Variants in ZNF462 observed in about 807,000 individuals in gnomAD.
The protein encoded by ZNF462 is zinc finger protein 462.
A neutral mutation model predicts 201.9 loss-of-function variants in ZNF462; 10 were observed. The observed-to-expected ratio is 0.05, with a 90% confidence interval of 0.03 to 0.08. The LOEUF (loss-of-function observed/expected upper bound fraction) is 0.08, where lower values mean the gene tolerates loss of function less well. Ranked by LOEUF, ZNF462 falls within the 10% of genes least tolerant of loss-of-function variation. ZNF462 has a pLI of 1.00. For synonymous variants in ZNF462, 1,227 were observed against 1,193.3 expected, an observed-to-expected ratio of 1.03 and a Z score of -0.58; for missense variants, 2,523 against 3,168.3, an observed-to-expected ratio of 0.80 and a Z score of 4.89.
At chr9:106,898,097 T>A (rs1463468714) in intron 1 of ZNF462, among the ~76,000 whole-genome samples, 1 of 152,252 alleles carries the variant, frequency 6.6e-6, no homozygotes, top group East Asian at 1.9e-4. Flanking sequence ...TTAATGTGCA[T>A]GGAGTCCTCT....
In ZNF462 at chr9:107,003,796, A is replaced by G. The variant is rs1220073280; in HGVS notation, c.7189+370A>G. 6.6e-6 allele frequency among the ~76,000 whole-genome samples: 1 copy of G among 152,122 alleles called. No individual in the cohort carries two copies. Among genetic ancestry groups the G allele is most frequent in the Non-Finnish European group, 1.5e-5 (1 of 68,034 alleles). On this transcript the variant is annotated intron_variant, in intron 11 of 12. Transcript: ENST00000277225. This position sits in a 1 kb window ranked among gnomAD's most constrained non-coding sequence, Gnocchi z 4.4. ...AGGAATGAGAATGAACTTCCAGTTG[A>G]ATGCATATTTAAAATTGCTGCTGGG...
chr9:106,960,478 C>T (rs927985856), intron 7 of ZNF462, among the ~76,000 whole-genome samples: 1 of 152,182 alleles, frequency 6.6e-6, no homozygotes, highest in South Asian at 2.1e-4. Flanking sequence ...CTTTTGTGCT[C>T]AACACTTTTT....
At chr9:106,894,385 T>C (rs1422299441) in intron 1 of ZNF462, among the ~76,000 whole-genome samples, 2 of 152,234 alleles carry the variant, frequency 1.3e-5, no homozygotes, top group Non-Finnish European at 1.5e-5. Flanking sequence ...AGAGAAGATA[T>C]AAAGATATTA....
rs779880577 is a variant in ZNF462 at position 107,010,879 on chromosome 9, T to A, written c.7370T>A (p.Met2457Lys). The A allele has an allele frequency of 6.2e-7, 1 of 1,613,338 alleles. No individual in the cohort carries two copies. The highest frequency in any genetic ancestry group is 8.5e-7 in the Non-Finnish European group (1 of 1,179,738). ...SREEIHPKEI[M>K]ENSVKMPSIE... The stretch of plus-strand genomic sequence containing the variant: ...GAAGAAATCCACCCAAAAGAGATCA[T>A]GGAGAACAGTGTTAAAATGCCCTCC... The change falls in exon 13 of 13, where the codon ATG becomes AAG. Residue 2457 changes from methionine to lysine, a missense_variant. Around this residue, in one of 15 missense-constraint regions of ZNF462, gnomAD observed 67 missense variants for 63.2 expected, o/e 1.06. Transcript: ENST00000277225. The surrounding 1 kb of genome is among the most constrained non-coding windows in gnomAD (Gnocchi z 4.6).
At chr9:106,991,861 C>CA in intron 10 of ZNF462, among the ~76,000 whole-genome samples, 1 of 151,304 alleles carries the variant, frequency 6.6e-6, no homozygotes, top group Non-Finnish European at 1.5e-5. Context: ...CACACACACA[C>CA]ACACACACAC....
chr9:106,891,990 A>G (rs1828598416), intron 1 of ZNF462, among the ~76,000 whole-genome samples: 1 of 152,222 alleles, frequency 6.6e-6, no homozygotes, highest in Non-Finnish European at 1.5e-5. Context: ...TCCATATTAT[A>G]CAAATTCCCT....
rs1347271506 is a variant in ZNF462 at position 106,929,443 on chromosome 9, T to C, written c.5531T>C (p.Leu1844Pro). 1 of 1,613,918 alleles carries C rather than the reference T, an allele frequency of 6.2e-7. No individual in the cohort carries two copies. Among genetic ancestry groups the C allele is most frequent in the Non-Finnish European group, 8.5e-7 (1 of 1,180,032 alleles). ...VEGEAQEIEW[L>P]PFRCIKCFKL... is the part of the protein sequence containing the mutation. ...GGTGAAGCTCAGGAAATCGAGTGGC[T>C]CCCATTCCGCTGCATCAAATGCTTC... is the stretch of plus-strand genomic sequence containing the variant. The change falls in exon 3 of 13, where the codon CTC (leucine) becomes CCC (proline). Residue 1844 changes from leucine to proline, a missense_variant. Leu to Pro is a moderately conservative substitution (Grantham distance 98). This residue lies in a region of ZNF462 where 207 missense variants were observed against 231.6 expected (regional missense o/e 0.89). Coordinates refer to ENST00000277225, the MANE Select transcript of ZNF462 (RefSeq NM_021224.6). This position sits in a 1 kb window ranked among gnomAD's most constrained non-coding sequence, Gnocchi z 8.7.
chr9:106,880,150 G>A lies in ZNF462; in HGVS notation c.-31+16795G>A, dbSNP rs749053630. On this transcript the variant is annotated intron_variant, in intron 1 of 12. Transcript: ENST00000277225. This position sits in a 1 kb window ranked among gnomAD's most constrained non-coding sequence, Gnocchi z 4.1. Reference sequence around the variant, plus strand: ...ACCAAGAGCCCTCTCAATTTCTGCCGCCCGCTCAGGAGGATTTTCACAGCC... The same window carrying A: ...ACCAAGAGCCCTCTCAATTTCTGCCACCCGCTCAGGAGGATTTTCACAGCC... Among the ~76,000 whole-genome samples, 11 of 151,842 alleles carry A rather than the reference G, an allele frequency of 7.2e-5. No individual in the cohort carries two copies. Among genetic ancestry groups the A allele is most frequent in the East Asian group, 1.9e-4 (1 of 5,180 alleles).
upstream of ZNF462, among the ~76,000 whole-genome samples, chr9:106,860,779 C>G (rs971238066): frequency 6.6e-6 from 1 of 152,264 alleles, no homozygotes; most frequent in African/African-American, 2.4e-5. This position sits in a 1 kb window ranked among gnomAD's most constrained non-coding sequence, Gnocchi z 7.1. Flanking sequence ...GTGGCGGCGG[C>G]CAGCGCTCAG....
chr9:106,871,086 C>G (rs1024864274), intron 1 of ZNF462, among the ~76,000 whole-genome samples: 7 of 152,136 alleles, frequency 4.6e-5, no homozygotes, highest in Admixed American at 3.3e-4. Context: ...GTACTTATTC[C>G]TCCAAAAATA....
rs3056258 is a variant in ZNF462, at chr9:106,900,203, C to CGTGTGTGT, written c.-30-23108_-30-23101dup. 1.4e-3 allele frequency among the ~76,000 whole-genome samples: 193 copies of CGTGTGTGT among 134,734 alleles called. 1 individual carries two copies. Among genetic ancestry groups the CGTGTGTGT allele is most frequent in the South Asian group, 2.6e-3 (10 of 3,776 alleles). 88.4% of individuals were successfully genotyped at this position (134,734 alleles called of 152,430 possible). A position where few individuals can be genotyped will look rare whatever the true frequency, so the allele number is the denominator to read the frequency against. ...TTTTTATGGCTGCATAGTATTCCATCGTGTGTGTGTGTGTGTGTGTGTGTG... is the reference window on the plus strand; with the variant it reads ...TTTTTATGGCTGCATAGTATTCCATCGTGTGTGTGTGTGTGTGTGTGTGTGTGTGTGTG... On this transcript the variant is annotated intron_variant, in intron 1 of 12. Transcript: ENST00000277225.
chr9:106,899,308 G>A (rs1828956889), intron 1 of ZNF462, among the ~76,000 whole-genome samples: 1 of 151,466 alleles, frequency 6.6e-6, no homozygotes, highest in African/African-American at 2.4e-5. Flanking sequence ...GTTTAAGGTG[G>A]GGATGACTTA....
At chr9:106,952,404 A>G (rs1831393215) in intron 7 of ZNF462, among the ~76,000 whole-genome samples, 1 of 152,226 alleles carries the variant, frequency 6.6e-6, no homozygotes, top group South Asian at 2.1e-4. Context: ...TCAATTTATG[A>G]TCCTTTTTAA....
Position 106,883,707 on chromosome 9 carries a change from G to A in ZNF462, c.-31+20352G>A, listed in dbSNP as rs1828199841. Among the ~76,000 whole-genome samples, 2 of 152,204 alleles carry A rather than the reference G, an allele frequency of 1.3e-5. No individual in the cohort carries two copies. The highest frequency in any genetic ancestry group is 4.8e-5 in the African/African-American group (2 of 41,450). On this transcript the variant is annotated intron_variant, in intron 1 of 12. Transcript: ENST00000277225. This position sits in a 1 kb window ranked among gnomAD's most constrained non-coding sequence, Gnocchi z 4.9. ...GGATTAGTAAATCTTTTCCTCTGAA[G>A]TTTGGATGCGGTTCAAAGCTAAGAT... is the stretch of plus-strand genomic sequence containing the variant.
chr9:107,004,347 T>C (rs540419374), intron 11 of ZNF462, among the ~76,000 whole-genome samples: 2 of 152,308 alleles, frequency 1.3e-5, no homozygotes, highest in South Asian at 4.1e-4. Flanking sequence ...CGTTTTTATA[T>C]AACATTTTTC....
chr9:106,934,951 T>G (rs2131579195), intron 5 of ZNF462, among the ~76,000 whole-genome samples: 1 of 152,226 alleles, frequency 6.6e-6, no homozygotes, highest in South Asian at 2.1e-4. Flanking sequence ...GCCTCCATAT[T>G]AATATAGACC....
intron 10 of ZNF462, among the ~76,000 whole-genome samples, chr9:107,000,040 A>G (rs1167757844): frequency 6.6e-6 from 1 of 152,002 alleles, no homozygotes; most frequent in Non-Finnish European, 1.5e-5. Flanking sequence ...CGAACACAGG[A>G]GGAGTTTAGG....
At position 106,981,773 on chromosome 9, in the gene ZNF462, A is replaced by G. The variant is rs1255168497; in HGVS notation, c.6833-2413A>G. On this transcript the variant is annotated intron_variant, in intron 9 of 12. Transcript: ENST00000277225. The surrounding 1 kb of genome is among the most constrained non-coding windows in gnomAD (Gnocchi z 4.0). ...CTCATAAAAAAGTTTGAAAGAACTGATTATTAATTGTGGAGAAGTGAAGAC... is the reference window on the plus strand; with the variant it reads ...CTCATAAAAAAGTTTGAAAGAACTGGTTATTAATTGTGGAGAAGTGAAGAC... 6.6e-6 allele frequency among the ~76,000 whole-genome samples: 1 copy of G among 152,202 alleles called. No homozygotes were observed. Among genetic ancestry groups the G allele is most frequent in the African/African-American group, 2.4e-5 (1 of 41,456 alleles).
Position 106,923,552 on chromosome 9 carries a change from G to A in ZNF462, c.169G>A (p.Val57Met). Residue 57 changes from valine (V) to methionine (M), a missense_variant, in exon 2 of 13, where the codon GTG (valine) becomes ATG (methionine). Physicochemically the swap from Val to Met is conservative, Grantham distance 21 (BLOSUM62 1). Around this residue, in one of 15 missense-constraint regions of ZNF462, gnomAD observed 480 missense variants for 544.4 expected, o/e 0.88. Transcript: ENST00000277225. This position sits in a 1 kb window ranked among gnomAD's most constrained non-coding sequence, Gnocchi z 5.6. ...CGTGAATGCCAGTAATCAGACAGAG[G>A]TGGAGTTTTCTTCTATAAAGGATGA... ...GSVNASNQTEVEFSSIKDEFA... is the reference protein window; with the variant it reads ...GSVNASNQTEMEFSSIKDEFA... 6.2e-7 allele frequency: 1 copy of A among 1,614,226 alleles called. No homozygotes were observed. Among genetic ancestry groups the A allele is most frequent in the Non-Finnish European group, 8.5e-7 (1 of 1,180,048 alleles).
Sources: gnomAD v4.1 joint callset for allele counts (sites outside exome capture counted in the v4.1 genomes callset) on GRCh38, gnomAD v4.1.1 for gene constraint, gnomAD v4.1.1 regional missense constraint, Gnocchi (gnomAD v3.1) non-coding constraint, MANE v1.5 for transcripts, NCBI Gene and HGNC (gene_info 2026-07-23, HGNC 2026-07-21) for gene names.